Variants in FEV observed in about 807,000 individuals in gnomAD.
The protein encoded by FEV is protein FEV.
FEV carries 14 observed loss-of-function variants against 20.5 expected under a neutral mutation model. The ratio of observed to expected loss-of-function variants is 0.68; its 90% CI spans 0.45 to 1.07. The LOEUF (loss-of-function observed/expected upper bound fraction) is 1.07, where lower values mean the gene tolerates loss of function less well. Ranked by LOEUF, FEV falls within the 50% of genes least tolerant of loss-of-function variation. FEV has a pLI of 0.00. For missense variants in FEV, 301 were observed against 345.3 expected, an observed-to-expected ratio of 0.87 and a Z score of 1.02; for synonymous variants, 188 against 163.7, an observed-to-expected ratio of 1.15 and a Z score of -1.13.
chr2:218,982,830 A>C (rs1220025305), intron 2 of FEV, among the ~76,000 whole-genome samples: 1 of 152,238 alleles, frequency 6.6e-6, no homozygotes, highest in Non-Finnish European at 1.5e-5. Flanking sequence ...GTAGTTGGAC[A>C]GGCTACTCCT....
chr2:218,983,760 A>G (rs1945411576), intron 2 of FEV, among the ~76,000 whole-genome samples: 1 of 152,098 alleles, frequency 6.6e-6, no homozygotes, highest in African/African-American at 2.4e-5. Context: ...ATCAATTGCA[A>G]TCGTCTGGCA....
rs1945415621 is a variant in FEV at position 218,984,076 on chromosome 2, A to C, written c.127+155T>G. ...TGCTCAGGAGATGCAGGAGCCAAAAACCAAGTGACTGTCTTCCCAAGGCCT... is the reference window on the plus strand; with the variant it reads ...TGCTCAGGAGATGCAGGAGCCAAAACCCAAGTGACTGTCTTCCCAAGGCCT... On this transcript the variant is annotated intron_variant, in intron 2 of 2. Transcript: ENST00000295727. The surrounding 1 kb of genome is among the most constrained non-coding windows in gnomAD (Gnocchi z 5.0). 6.6e-6 allele frequency among the ~76,000 whole-genome samples: 1 copy of C among 152,130 alleles called. No homozygotes were observed. The highest frequency in any genetic ancestry group is 6.5e-5 in the Admixed American group (1 of 15,280).
In FEV at chr2:218,981,467, G is replaced by A. The variant is rs149868566; in HGVS notation, c.*200C>T. 6.7e-5 allele frequency: 28 copies of A among 415,378 alleles called. No homozygotes were observed. Among genetic ancestry groups the A allele is most frequent in the African/African-American group, 4.9e-4 (24 of 49,062 alleles). The allele number at this position is 415,378 out of a possible 1,614,324, so 25.7% of individuals were successfully genotyped here. On this transcript the variant is annotated 3_prime_UTR_variant, in exon 3 of 3. Transcript: ENST00000295727. This position sits in a 1 kb window ranked among gnomAD's most constrained non-coding sequence, Gnocchi z 4.5. ...CACATCGCCCTCCTCAGGGGACTGCGGGGTGGGACAGGAGCAAATCTAGTA... is the reference window on the plus strand; with the variant it reads ...CACATCGCCCTCCTCAGGGGACTGCAGGGTGGGACAGGAGCAAATCTAGTA...
intron 2 of FEV, 58 bp from the exon 3 acceptor site, chr2:218,982,314 G>T: frequency 6.9e-7 from 1 of 1,449,930 alleles, no homozygotes; most frequent in South Asian, 1.3e-5. Flanking sequence ...AACTGGGGAA[G>T]AGTGCTGGCG....
intron 2 of FEV, among the ~76,000 whole-genome samples, chr2:218,983,266 A>C (rs1945407332): frequency 6.6e-6 from 1 of 152,138 alleles, no homozygotes; most frequent in Non-Finnish European, 1.5e-5. Flanking sequence ...GCAGAGAAAA[A>C]TCCCGATACA....
At position 218,981,937 on chromosome 2, in the gene FEV, A is replaced by G. The variant is rs1016474960; in HGVS notation, c.447T>C (p.Ala149=). ...PAHAHAAAAA[A]AAAAAAQDGA... Reference sequence around the variant, plus strand: ...CGTCCTGGGCGGCCGCGGCGGCGGCAGCAGCTGCGGCGGCGGCATGAGCGT... The same window carrying G: ...CGTCCTGGGCGGCCGCGGCGGCGGCGGCAGCTGCGGCGGCGGCATGAGCGT... The change falls in exon 3 of 3, where the codon GCT becomes GCC. Residue 149 remains alanine (A), a synonymous_variant. Transcript: ENST00000295727. The surrounding 1 kb of genome is among the most constrained non-coding windows in gnomAD (Gnocchi z 4.5). 3 of 1,385,556 alleles carry G rather than the reference A, an allele frequency of 2.2e-6. No individual in the cohort carries two copies. The highest frequency in any genetic ancestry group is 3.0e-5 in the African/African-American group (2 of 65,942). The allele number at this position is 1,385,556 out of a possible 1,614,324, so 85.8% of individuals were successfully genotyped here.
Position 218,981,647 on chromosome 2 carries a change from C to T in FEV, c.*20G>A. On this transcript the variant is annotated 3_prime_UTR_variant, in exon 3 of 3. Transcript: ENST00000295727. This position sits in a 1 kb window ranked among gnomAD's most constrained non-coding sequence, Gnocchi z 4.5. ...GACTCTAGGCGTGCGGGCGAGGCCG[C>T]AGGCACCCGACCGCCCCGTCTAGTG... The T allele has an allele frequency of 7.8e-7, 1 of 1,284,888 alleles. No homozygotes were observed. Among genetic ancestry groups the T allele is most frequent in the Non-Finnish European group, 9.8e-7 (1 of 1,018,632 alleles). The allele number at this position is 1,284,888 out of a possible 1,614,324, so 79.6% of individuals were successfully genotyped here.
In FEV at chr2:218,984,553, C is replaced by T. The variant is rs763895123; in HGVS notation, c.53-248G>A. 6.8e-6 allele frequency: 3 copies of T among 443,774 alleles called. No individual in the cohort carries two copies. The highest frequency in any genetic ancestry group is 5.0e-5 in the South Asian group (1 of 20,156). 27.5% of individuals were successfully genotyped at this position (443,774 alleles called of 1,614,324 possible). A position where few individuals can be genotyped will look rare whatever the true frequency, so the allele number is the denominator to read the frequency against. On this transcript the variant is annotated intron_variant, in intron 1 of 2. Coordinates refer to ENST00000295727, the MANE Select transcript of FEV (RefSeq NM_017521.3). This position sits in a 1 kb window ranked among gnomAD's most constrained non-coding sequence, Gnocchi z 5.0. ...CGCTTTCCGAAGGGGCCGGCTGGAG[C>T]CTTATAAAGCCGAGCGGGGAACTGC...
chr2:218,982,294 G>T, intron 2 of FEV, 38 bp from the exon 3 acceptor site: 1 of 1,510,976 alleles, frequency 6.6e-7, no homozygotes, highest in Non-Finnish European at 8.9e-7. Context: ...GGCGGGAGCG[G>T]GGAGGCGGGA....
chr2:218,985,014 T>C lies in FEV; in HGVS notation c.52+10A>G, dbSNP rs1195454103. 1 of 1,553,196 alleles carries C rather than the reference T, an allele frequency of 6.4e-7. No homozygotes were observed. Among genetic ancestry groups the C allele is most frequent in the African/African-American group, 1.4e-5 (1 of 73,228 alleles). On this transcript the variant is annotated intron_variant, in intron 1 of 2. Transcript: ENST00000295727. ...TCCGGTGCCACCAGCCTCCGGCTGGTCCCTGGTACCTGGCAGGTACATGTT... is the reference window on the plus strand; with the variant it reads ...TCCGGTGCCACCAGCCTCCGGCTGGCCCCTGGTACCTGGCAGGTACATGTT...
chr2:218,982,337 A>G, intron 2 of FEV, 81 bp from the exon 3 acceptor site: 1 of 1,297,234 alleles, frequency 7.7e-7, no homozygotes, highest in African/African-American at 1.5e-5. Flanking sequence ...AAACTGACCC[A>G]CCCCGGCAGG....
In FEV at chr2:218,984,006, G is replaced by T. The variant is rs957681442; in HGVS notation, c.127+225C>A. On this transcript the variant is annotated intron_variant, in intron 2 of 2. Transcript: ENST00000295727. The surrounding 1 kb of genome is among the most constrained non-coding windows in gnomAD (Gnocchi z 5.0). ...ATACACAGCAGCAAAAGGGCCTGGG[G>T]CTGGGATCCTCTCCATCTGCCTTGG... Among the ~76,000 whole-genome samples, 58 of 152,218 alleles carry T rather than the reference G, an allele frequency of 3.8e-4. No individual in the cohort carries two copies. Among genetic ancestry groups the T allele is most frequent in the Non-Finnish European group, 5.9e-5 (4 of 68,038 alleles).
chr2:218,982,407 C>T (rs1450572920), intron 2 of FEV, 151 bp from the exon 3 acceptor site: 2 of 737,800 alleles, frequency 2.7e-6, no homozygotes. Flanking sequence ...GCGGGAGAGG[C>T]CGGCCCCGGA....
rs981071842 is a variant in FEV, at chr2:218,984,011, G to T, written c.127+220C>A. 6.6e-6 allele frequency among the ~76,000 whole-genome samples: 1 copy of T among 152,198 alleles called. No individual in the cohort carries two copies. Among genetic ancestry groups the T allele is most frequent in the Non-Finnish European group, 1.5e-5 (1 of 68,034 alleles). On this transcript the variant is annotated intron_variant, in intron 2 of 2. Transcript: ENST00000295727. The surrounding 1 kb of genome is among the most constrained non-coding windows in gnomAD (Gnocchi z 5.0). Reference sequence around the variant, plus strand: ...CAGCAGCAAAAGGGCCTGGGGCTGGGATCCTCTCCATCTGCCTTGGCCTGC... The same window carrying T: ...CAGCAGCAAAAGGGCCTGGGGCTGGTATCCTCTCCATCTGCCTTGGCCTGC...
In FEV at chr2:218,981,684, C is replaced by A; in HGVS notation, c.700G>T (p.Gly234Trp). 1 of 1,341,324 alleles carries A rather than the reference C, an allele frequency of 7.5e-7. No homozygotes were observed. Among genetic ancestry groups the A allele is most frequent in the Non-Finnish European group, 9.5e-7 (1 of 1,052,066 alleles). The allele number at this position is 1,341,324 out of a possible 1,614,324, so 83.1% of individuals were successfully genotyped here. A position where few individuals can be genotyped will look rare whatever the true frequency, so the allele number is the denominator to read the frequency against. ...CGCCCCGTCTAGTGGTAATGGCCCC[C>A]CAAGTGCGAGGCTGCGGCCACGGCC... ...FGAVAAASHL[G>W]GHYH The change falls in exon 3 of 3, where the codon GGG becomes TGG. Residue 234 changes from glycine (G) to tryptophan (W), a missense_variant. Transcript: ENST00000295727. This position sits in a 1 kb window ranked among gnomAD's most constrained non-coding sequence, Gnocchi z 4.5.
At position 218,981,224 on chromosome 2, in the gene FEV, AAGG is replaced by A. The variant is rs1189201405; in HGVS notation, c.*440_*442del. 8.7e-5 allele frequency: 20 copies of A among 229,746 alleles called. No homozygotes were observed. Among genetic ancestry groups the A allele is most frequent in the African/African-American group, 4.2e-4 (19 of 45,090 alleles). 14.2% of individuals were successfully genotyped at this position (229,746 alleles called of 1,614,324 possible). On this transcript the variant is annotated 3_prime_UTR_variant, in exon 3 of 3. Coordinates refer to ENST00000295727, the MANE Select transcript of FEV (RefSeq NM_017521.3). The surrounding 1 kb of genome is among the most constrained non-coding windows in gnomAD (Gnocchi z 4.5). ...TCACCAAACCTGCTCAGGTCCCAGGAAGGAGGACCGTGAGAGGCCTCCACGTGC... is the reference window on the plus strand; with the variant it reads ...TCACCAAACCTGCTCAGGTCCCAGGAAGGACCGTGAGAGGCCTCCACGTGC...
rs1574488459 is a variant in FEV, at chr2:218,984,902, A to G, written c.52+122T>C. 2 of 914,996 alleles carry G rather than the reference A, an allele frequency of 2.2e-6. No homozygotes were observed. Among genetic ancestry groups the G allele is most frequent in the Non-Finnish European group, 3.5e-6 (2 of 572,694 alleles). 56.7% of individuals were successfully genotyped at this position (914,996 alleles called of 1,614,324 possible). On this transcript the variant is annotated intron_variant, in intron 1 of 2. Transcript: ENST00000295727. The surrounding 1 kb of genome is among the most constrained non-coding windows in gnomAD (Gnocchi z 5.0). ...TGCCCTACATTACAATCGGCCCTCC[A>G]TGCAACCCGAATCTCCGGACACTTC...
chr2:218,984,130 T>C lies in FEV; in HGVS notation c.127+101A>G. On this transcript the variant is annotated intron_variant, in intron 2 of 2. Coordinates refer to ENST00000295727, the MANE Select transcript of FEV (RefSeq NM_017521.3). The surrounding 1 kb of genome is among the most constrained non-coding windows in gnomAD (Gnocchi z 5.0). The stretch of plus-strand genomic sequence containing the variant: ...CACAACCAGGCCAGGACTCCGGGCT[T>C]CAGTGTGAACCCTGGGTCCACACTG... 1 of 1,196,322 alleles carries C rather than the reference T, an allele frequency of 8.4e-7. No homozygotes were observed. Among genetic ancestry groups the C allele is most frequent in the Non-Finnish European group, 1.2e-6 (1 of 857,436 alleles). 74.1% of individuals were successfully genotyped at this position (1,196,322 alleles called of 1,614,324 possible). A position where few individuals can be genotyped will look rare whatever the true frequency, so the allele number is the denominator to read the frequency against.
chr2:218,985,118 A>G lies in FEV; in HGVS notation c.-43T>C, dbSNP rs1945428462. On this transcript the variant is annotated 5_prime_UTR_variant, in exon 1 of 3. Coordinates refer to ENST00000295727, the MANE Select transcript of FEV (RefSeq NM_017521.3). ...CGGTGGGAGATGGGGGGGACGGGGA[A>G]GGGGGGCGAGGCAGGCTTTGCGCTC... The G allele has an allele frequency of 6.7e-6, 7 of 1,039,964 alleles. No homozygotes were observed. Among genetic ancestry groups the G allele is most frequent in the South Asian group, 1.5e-5 (1 of 65,262 alleles). 64.4% of individuals were successfully genotyped at this position (1,039,964 alleles called of 1,614,324 possible). A position where few individuals can be genotyped will look rare whatever the true frequency, so the allele number is the denominator to read the frequency against.
Sources: allele counts gnomAD v4.1 joint callset (sites outside exome capture counted in the v4.1 genomes callset), GRCh38; gene constraint gnomAD v4.1.1; non-coding constraint Gnocchi (gnomAD v3.1); transcripts MANE v1.5; gene names NCBI Gene and HGNC (gene_info 2026-07-23, HGNC 2026-07-21).